The following CENPU variants were observed in gnomAD, a reference collection of about 807,000 sequenced individuals.
CENPU encodes the protein KSHV latent nuclear antigen interacting protein 1.
Under a neutral mutation model 56.7 loss-of-function variants are expected in CENPU, and 46 were observed. The observed-to-expected ratio is 0.81, with a 90% CI of 0.64 to 1.04. CENPU has a LOEUF of 1.04. Among genes scored for constraint, CENPU ranks in the 50% least tolerant of loss-of-function variants. CENPU has a pLI of 0.00. For missense variants in CENPU, 510 were observed against 490.1 expected (o/e 1.04, Z -0.38); for synonymous variants, 166 against 163.0 (o/e 1.02, Z -0.14).
chr4:184,717,090 A>G, intron 5 of CENPU, 46 bp downstream of exon 5: 1 of 1,288,612 alleles, frequency 7.8e-7, no homozygotes. Context: ...GCATCCAATC[A>G]AACTATATTA....
intron 1 of CENPU, chr4:184,733,368 T>G: frequency 1.0e-6 from 1 of 989,616 alleles, no homozygotes; most frequent in Non-Finnish European, 1.2e-6. Flanking sequence ...GGCGTATGGC[T>G]TTGTGCACCG....
intron 8 of CENPU, among the ~76,000 whole-genome samples, chr4:184,703,420 C>G (rs549585708): frequency 1.6e-4 from 24 of 152,252 alleles, no homozygotes; most frequent in African/African-American, 5.8e-4. Flanking sequence ...GAGAAGAGAT[C>G]TGGTGGCCAG....
chr4:184,722,833 A>T (rs1561142838), intron 4 of CENPU, among the ~76,000 whole-genome samples: 1 of 152,232 alleles, frequency 6.6e-6, no homozygotes, highest in African/African-American at 2.4e-5. Flanking sequence ...AGAAAGAGAA[A>T]TTCAAGAGCT....
intron 2 of CENPU, among the ~76,000 whole-genome samples, chr4:184,729,701 T>A (rs1332417129): frequency 6.6e-6 from 1 of 152,218 alleles, no homozygotes; most frequent in Admixed American, 6.5e-5. Flanking sequence ...AATATGCCCA[T>A]ATACCCAAAA....
chr4:184,695,660 T>C (rs6810600), intron 12 of CENPU, among the ~76,000 whole-genome samples: 27,343 of 152,094 alleles, frequency 0.18, 2,781 homozygotes, highest in African/African-American at 0.27. Flanking sequence ...ATTCAAAGAA[T>C]TGTATCATCT....
At chr4:184,719,311 G>A (rs1026702011) in intron 4 of CENPU, among the ~76,000 whole-genome samples, 1 of 152,194 alleles carries the variant, frequency 6.6e-6, no homozygotes, top group African/African-American at 2.4e-5. Flanking sequence ...CCCAGCAGTG[G>A]CTGCGTGGCA....
At chr4:184,696,952 C>G (rs1046328952) in intron 12 of CENPU, among the ~76,000 whole-genome samples, 7 of 151,034 alleles carry the variant, frequency 4.6e-5, no homozygotes, top group African/African-American at 1.5e-4. Flanking sequence ...GCGATCACAG[C>G]TCAGTGCAGC....
Position 184,710,169 on chromosome 4 carries a change from T to C in CENPU, c.700A>G (p.Ile234Val). The C allele has an allele frequency of 5.0e-6, 8 of 1,600,422 alleles. No individual in the cohort carries two copies. The highest frequency in any genetic ancestry group is 6.8e-6 in the Non-Finnish European group (8 of 1,169,932). ...CCTTCTGGACACCAAATGTGCACAA[T>C]GTCAGAAGTATCTAAAATATTAAGA... ...SKAIGSDTSD[I>V]VHIWCPEGMK... Residue 234 changes from isoleucine (I) to valine (V), a missense_variant, in exon 8 of 13, where the codon ATT (isoleucine) becomes GTT (valine). By Grantham distance (29) the Ile-to-Val change is conservative (BLOSUM62 3). Coordinates refer to ENST00000281453, the MANE Select transcript of CENPU (RefSeq NM_024629.4).
Position 184,716,416 on chromosome 4 carries a change from A to C in CENPU, c.599T>G (p.Leu200Trp). 6.2e-7 allele frequency: 1 copy of C among 1,613,730 alleles called. No individual in the cohort carries two copies. Among genetic ancestry groups the C allele is most frequent in the Non-Finnish European group, 8.5e-7 (1 of 1,179,818 alleles). Residue 200 changes from leucine (L) to tryptophan (W), a missense_variant, in exon 6 of 13, where the codon TTG becomes TGG. By Grantham distance (61) the Leu-to-Trp change is moderately conservative. Transcript: ENST00000281453. ...TCTTACCGATTGACTTTCTATTGCC[A>C]AGTTCTCTTTTTCAACAGAGGGCTG... ...SAQPSVEKEN[L>W]AIESQSKTQK...
At chr4:184,721,008 T>A (rs1249432053) in intron 4 of CENPU, among the ~76,000 whole-genome samples, 1 of 152,130 alleles carries the variant, frequency 6.6e-6, no homozygotes, top group Non-Finnish European at 1.5e-5. Context: ...TGTAAACTAC[T>A]CTCATTGTAA....
chr4:184,708,744 G>C, intron 8 of CENPU, among the ~76,000 whole-genome samples: 1 of 152,100 alleles, frequency 6.6e-6, no homozygotes, highest in South Asian at 2.1e-4. Context: ...TAATCAGAAG[G>C]TTTAGAAGTT....
intron 4 of CENPU, among the ~76,000 whole-genome samples, chr4:184,722,058 A>G (rs1761299237): frequency 6.6e-6 from 1 of 152,242 alleles, no homozygotes; most frequent in African/African-American, 2.4e-5. Flanking sequence ...TCTCTGTGGA[A>G]TAAAACTAGA....
chr4:184,729,540 A>G (rs1761568435), intron 2 of CENPU, among the ~76,000 whole-genome samples: 1 of 152,226 alleles, frequency 6.6e-6, no homozygotes, highest in Admixed American at 6.5e-5. Context: ...ATTATGACAT[A>G]GTCTTTTTAT....
intron 8 of CENPU, among the ~76,000 whole-genome samples, chr4:184,704,788 AGTCATTGCTCGAATGG>A (rs758270156): frequency 7.9e-5 from 12 of 152,188 alleles, no homozygotes; most frequent in Non-Finnish European, 1.5e-4. Flanking sequence ...AGGAATGAGG[AGTCATTGCTCGAATGG>A]GTACAAAGCT....
At chr4:184,709,346 G>A (rs1475273986) in intron 8 of CENPU, among the ~76,000 whole-genome samples, 1 of 152,042 alleles carries the variant, frequency 6.6e-6, no homozygotes, top group Non-Finnish European at 1.5e-5. Context: ...AATTAGCTGG[G>A]CGGGGTGGCA....
chr4:184,715,771 G>A (rs1761069890), intron 6 of CENPU, among the ~76,000 whole-genome samples: 1 of 152,180 alleles, frequency 6.6e-6, no homozygotes, highest in Non-Finnish European at 1.5e-5. Flanking sequence ...TGAATGGAAT[G>A]TTATGCATTG....
intron 3 of CENPU, among the ~76,000 whole-genome samples, chr4:184,728,542 G>A (rs1235815947): frequency 6.6e-6 from 1 of 152,088 alleles, no homozygotes; most frequent in African/African-American, 2.4e-5. Context: ...AGCATCCCCT[G>A]CCTCCATGAG....
chr4:184,707,920 C>T (rs1009994937), intron 8 of CENPU, among the ~76,000 whole-genome samples: 3 of 152,178 alleles, frequency 2.0e-5, no homozygotes, highest in South Asian at 2.1e-4. Context: ...GAATACAAGA[C>T]ACAAAGCAAG....
intron 8 of CENPU, among the ~76,000 whole-genome samples, chr4:184,707,850 C>T (rs1760779883): frequency 6.6e-6 from 1 of 152,148 alleles, no homozygotes; most frequent in Non-Finnish European, 1.5e-5. Context: ...AATAGCTGAT[C>T]CAGTAATTTG....
Sources: gnomAD v4.1 joint callset for allele counts (sites outside exome capture counted in the v4.1 genomes callset) on GRCh38, gnomAD v4.1.1 for gene constraint, MANE v1.5 for transcripts, NCBI Gene and HGNC (gene_info 2026-07-23, HGNC 2026-07-21) for gene names.